FUT8: variants seen among roughly 807,000 people sequenced by gnomAD.
The protein encoded by FUT8 is alpha-(1,6)-fucosyltransferase.
FUT8 carries 29 observed loss-of-function variants against 71.3 expected under a neutral mutation model. The ratio of observed to expected loss-of-function variants is 0.41; its 90% CI spans 0.30 to 0.55. The LOEUF is 0.55. FUT8 is among the 20% of genes least tolerant of loss of function. The pLI is 0.34. For synonymous variants in FUT8, 254 were observed against 239.3 expected, an observed-to-expected ratio of 1.06 and a Z score of -0.57; for missense variants, 544 against 702.1, an observed-to-expected ratio of 0.77 and a Z score of 2.55.
chr14:65,431,808 C>T lies in FUT8; in HGVS notation c.-326+18594C>T, dbSNP rs964337254. Among the ~76,000 whole-genome samples, 4 of 152,164 alleles carry T rather than the reference C, an allele frequency of 2.6e-5. 1 individual carries two copies. The highest frequency in any genetic ancestry group is 7.2e-5 in the African/African-American group (3 of 41,522). On this transcript the variant is annotated intron_variant, in intron 1 of 10. Transcript: ENST00000673929. ...GCCCTTTAGGTTTTCATGGCTACCT[C>T]TTTTATCCCTTCTACTGTTAGAATG... is the stretch of plus-strand genomic sequence containing the variant.
At chr14:65,554,845 CTT>C (rs1885503520) in intron 2 of FUT8, among the ~76,000 whole-genome samples, 1 of 152,100 alleles carries the variant, frequency 6.6e-6, no homozygotes, top group African/African-American at 2.4e-5. Context: ...TTCTTTGTAA[CTT>C]TTGATAAAAT....
At chr14:65,739,506 G>A (rs577615683) in intron 10 of FUT8, among the ~76,000 whole-genome samples, 9 of 152,134 alleles carry the variant, frequency 5.9e-5, no homozygotes, top group South Asian at 2.1e-4. Flanking sequence ...GACAGGGTGC[G>A]ATGTTGTTTT....
intron 2 of FUT8, among the ~76,000 whole-genome samples, chr14:65,546,840 A>G (rs1207197538): frequency 6.6e-6 from 1 of 151,752 alleles, no homozygotes; most frequent in Non-Finnish European, 1.5e-5. Flanking sequence ...ATAAAGCAAT[A>G]TGGGCCTAGA....
intron 3 of FUT8, among the ~76,000 whole-genome samples, chr14:65,609,554 T>C (rs942915084): frequency 8.6e-5 from 13 of 151,976 alleles, no homozygotes; most frequent in Non-Finnish European, 1.8e-4. Flanking sequence ...AAATTGAGTG[T>C]CCATTTATGT....
At chr14:65,425,090 A>G (rs911135720) in intron 1 of FUT8, among the ~76,000 whole-genome samples, 7 of 152,166 alleles carry the variant, frequency 4.6e-5, no homozygotes, top group Admixed American at 6.5e-5. Context: ...TCAAAATTCA[A>G]ACCTGTGTTG....
chr14:65,712,268 A>T (rs538838058), intron 7 of FUT8, among the ~76,000 whole-genome samples: 1 of 152,198 alleles, frequency 6.6e-6, no homozygotes, highest in African/African-American at 2.4e-5. Flanking sequence ...TTATCATTGG[A>T]TTATAAAGGT....
rs762317080 is a variant in FUT8 at position 65,561,567 on chromosome 14, C to T, written c.4C>T (p.Arg2Trp). The T allele has an allele frequency of 2.5e-5, 40 of 1,612,700 alleles. 1 individual carries two copies. Among genetic ancestry groups the T allele is most frequent in the South Asian group, 2.4e-4 (22 of 91,016 alleles). Residue 2 changes from arginine (R) to tryptophan (W), a missense_variant, in exon 3 of 11, where the codon CGG becomes TGG. Transcript: ENST00000673929. M[R>W]PWTGSWRWIM... ...GAAGTGAGTTGAAAATCTGAAAATG[C>T]GGCCATGGACTGGTTCCTGGCGTTG... is the stretch of plus-strand genomic sequence containing the variant.
chr14:65,738,242 A>G (rs981628659), intron 10 of FUT8, among the ~76,000 whole-genome samples: 91 of 152,182 alleles, frequency 6.0e-4, no homozygotes, highest in African/African-American at 2.0e-3. Context: ...ATTACAGGAA[A>G]AGTGCACAGA....
intron 6 of FUT8, among the ~76,000 whole-genome samples, chr14:65,633,636 C>T (rs1487634244): frequency 6.6e-6 from 1 of 152,084 alleles, no homozygotes; most frequent in African/African-American, 2.4e-5. Context: ...CCCGCCGCCC[C>T]GTCTGGGATG....
intron 7 of FUT8, among the ~76,000 whole-genome samples, chr14:65,693,271 G>A (rs942917319): frequency 7.2e-5 from 11 of 152,354 alleles, no homozygotes; most frequent in African/African-American, 2.6e-4. Context: ...TCGGGAGGCC[G>A]AGGCTGGCGG....
chr14:65,481,930 T>C (rs2066337551), intron 2 of FUT8, among the ~76,000 whole-genome samples: 1 of 152,192 alleles, frequency 6.6e-6, no homozygotes, highest in Non-Finnish European at 1.5e-5. Context: ...GCTTGTCTTT[T>C]CTTTCTCTTA....
intron 2 of FUT8, among the ~76,000 whole-genome samples, chr14:65,481,246 C>T (rs992358341): frequency 3.3e-5 from 5 of 152,076 alleles, no homozygotes; most frequent in African/African-American, 1.2e-4. Flanking sequence ...TGTTCATTTG[C>T]ATATTTTCTT....
intron 2 of FUT8, among the ~76,000 whole-genome samples, chr14:65,547,023 T>C (rs1467508768): frequency 6.6e-6 from 1 of 151,794 alleles, no homozygotes; most frequent in Non-Finnish European, 1.5e-5. Context: ...GAAAATTATT[T>C]GTAATATTTT....
intron 2 of FUT8, among the ~76,000 whole-genome samples, chr14:65,528,204 G>A (rs1883640992): frequency 1.3e-5 from 2 of 152,218 alleles, no homozygotes; most frequent in African/African-American, 4.8e-5. Context: ...CACCCAGTTT[G>A]AGCTTCCAGG....
intron 2 of FUT8, among the ~76,000 whole-genome samples, chr14:65,559,880 T>C (rs2140037869): frequency 6.6e-6 from 1 of 152,274 alleles, no homozygotes; most frequent in South Asian, 2.1e-4. Context: ...GATTTAAGAA[T>C]AGTTATTAAA....
chr14:65,453,495 T>G (rs999318282), intron 1 of FUT8, among the ~76,000 whole-genome samples: 1 of 152,222 alleles, frequency 6.6e-6, no homozygotes, highest in Non-Finnish European at 1.5e-5. Flanking sequence ...TGGCTGTTGG[T>G]TACAGATGTT....
intron 7 of FUT8, among the ~76,000 whole-genome samples, chr14:65,721,338 C>T (rs983800230): frequency 5.3e-5 from 8 of 152,002 alleles, no homozygotes; most frequent in South Asian, 2.1e-4. Context: ...TTTCCAGAGT[C>T]ATTGTGTTCT....
the FUT8 span, among the ~76,000 whole-genome samples, chr14:65,381,422 A>G: frequency 6.6e-6 from 1 of 152,224 alleles, no homozygotes; most frequent in African/African-American, 2.4e-5. Context: ...AAGTGGACAA[A>G]GTGGTCCTAA....
rs1450610955 is a variant in FUT8 at position 65,413,953 on chromosome 14, G to T, written c.-326+739G>T. ...AGAGACGCAGTGTATTTCTTAAGTG[G>T]CAGTGTCATGCTTAGGGTTTGTCCC... On this transcript the variant is annotated intron_variant, in intron 1 of 10. Coordinates refer to ENST00000673929, the MANE Select transcript of FUT8 (RefSeq NM_001371533.1). The surrounding 1 kb of genome is among the most constrained non-coding windows in gnomAD (Gnocchi z 4.1). Among the ~76,000 whole-genome samples, 1 of 152,128 alleles carries T rather than the reference G, an allele frequency of 6.6e-6. No homozygotes were observed. Among genetic ancestry groups the T allele is most frequent in the African/African-American group, 2.4e-5 (1 of 41,422 alleles).
Sources: gnomAD v4.1 joint callset for allele counts (sites outside exome capture counted in the v4.1 genomes callset) on GRCh38, gnomAD v4.1.1 for gene constraint, Gnocchi (gnomAD v3.1) non-coding constraint, MANE v1.5 for transcripts, NCBI Gene and HGNC (gene_info 2026-07-23, HGNC 2026-07-21) for gene names.